RPL35A: variants seen among roughly 807,000 people sequenced by gnomAD.
The protein encoded by RPL35A is ribosomal protein L35a, also known as large ribosomal subunit protein eL33.
In RPL35A, 1 loss-of-function variant was observed where a neutral mutation model predicts 16.7. The ratio of observed to expected loss-of-function variants is 0.06; its 90% CI spans 0.02 to 0.28. RPL35A has a LOEUF of 0.28. Among genes scored for constraint, RPL35A ranks in the 10% least tolerant of loss-of-function variants. The pLI, the probability that RPL35A is intolerant of heterozygous loss-of-function variation, is 1.00. For missense variants in RPL35A, 91 were observed against 138.7 expected (o/e 0.66, Z 1.73); for synonymous variants, 58 against 47.0 (o/e 1.23, Z -0.96).
At chr3:197,953,596 T>A in intron 3 of RPL35A, 2 of 458,266 alleles carry the variant, frequency 4.4e-6, no homozygotes, top group Admixed American at 4.7e-5. Context: ...GCATTTCCCC[T>A]CCCTTTCCAG....
At chr3:197,951,990 G>T (rs564569800) in intron 3 of RPL35A, among the ~76,000 whole-genome samples, 1 of 152,272 alleles carries the variant, frequency 6.6e-6, no homozygotes, top group South Asian at 2.1e-4. Flanking sequence ...TACTTCTGAG[G>T]GTGGTGTTGG....
At chr3:197,951,558 G>T (rs1720090199) in intron 3 of RPL35A, 2 of 469,198 alleles carry the variant, frequency 4.3e-6, no homozygotes, top group Admixed American at 6.7e-5. Context: ...TTGCCATGTT[G>T]GCCAGGCTGG....
chr3:197,950,600 CGTGT>C, intron 1 of RPL35A: 1 of 382,418 alleles, frequency 2.6e-6, no homozygotes, highest in Non-Finnish European at 4.7e-6. Flanking sequence ...AAAAGTCTTA[CGTGT>C]GTGTTTCTCT....
At chr3:197,953,760 T>G (rs1015790236) in intron 3 of RPL35A, 3 of 580,370 alleles carry the variant, frequency 5.2e-6, no homozygotes, top group Non-Finnish European at 6.1e-6. Flanking sequence ...TGTATTTTCC[T>G]TAAACTTACT....
chr3:197,954,272 G>A, intron 4 of RPL35A, 125 bp downstream of exon 4: 1 of 907,316 alleles, frequency 1.1e-6, no homozygotes. Flanking sequence ...TGCAAAATTT[G>A]TGTATTGCAG....
Position 197,951,434 on chromosome 3 carries a change from C to T in RPL35A, c.164+123C>T, listed in dbSNP as rs1274742216. 1.1e-5 allele frequency: 12 copies of T among 1,052,792 alleles called. No homozygotes were observed. In the East Asian group the frequency reaches 1.5e-4, roughly 13 times the overall value. The allele number at this position is 1,052,792 out of a possible 1,614,324, so 65.2% of individuals were successfully genotyped here. ...AGTGACTTGGTCTCCCTCACCGAAA[C>T]CTCCGCCTCCCGGGTTCAAGCAAGT... is the stretch of plus-strand genomic sequence containing the variant. On this transcript the variant is annotated intron_variant, in intron 3 of 4. Transcript: ENST00000647248.
In RPL35A at chr3:197,956,311, T is replaced by TGGAGATTATGTTGATGGGC. The variant is rs1254060020; in HGVS notation, c.*539_*557dup. 1.2e-5 allele frequency: 2 copies of TGGAGATTATGTTGATGGGC among 161,084 alleles called. No individual in the cohort carries two copies. Among genetic ancestry groups the TGGAGATTATGTTGATGGGC allele is most frequent in the Admixed American group, 5.9e-5 (1 of 17,066 alleles). 10.0% of individuals were successfully genotyped at this position (161,084 alleles called of 1,614,324 possible). Reference sequence around the variant, plus strand: ...CAGATTGGGAAACTTAAAATTTGAATGGAGATTATGTTGATGGGCTTTGGC... The same window carrying TGGAGATTATGTTGATGGGC: ...CAGATTGGGAAACTTAAAATTTGAATGGAGATTATGTTGATGGGCGGAGATTATGTTGATGGGCTTTGGC... On this transcript the variant is annotated 3_prime_UTR_variant, in exon 5 of 5. Transcript: ENST00000647248.
At chr3:197,951,052 G>A (rs1720029099) in intron 2 of RPL35A, 74 bp downstream of exon 2, 1 of 1,605,418 alleles carries the variant, frequency 6.2e-7, no homozygotes, top group Admixed American at 1.7e-5. Context: ...AAATTGGCAA[G>A]AAAAAACTTA....
At chr3:197,950,872 A>G in intron 1 of RPL35A, 64 bp from the exon 2 acceptor site, 1 of 1,507,880 alleles carries the variant, frequency 6.6e-7, no homozygotes, top group Non-Finnish European at 9.2e-7. Context: ...GGCTTAAACG[A>G]GAGGGGACGA....
intron 3 of RPL35A, among the ~76,000 whole-genome samples, chr3:197,952,168 T>TG (rs1371838269): frequency 2.3e-4 from 30 of 128,796 alleles, no homozygotes; most frequent in Non-Finnish European, 3.9e-4. Flanking sequence ...ATGGGTTTTT[T>TG]TTTTTTTTTT....
intron 3 of RPL35A, among the ~76,000 whole-genome samples, chr3:197,951,966 T>A (rs906782752): frequency 6.6e-6 from 1 of 151,978 alleles, no homozygotes; most frequent in African/African-American, 2.4e-5. Context: ...TAATGGGGAG[T>A]TTTAGAAGGA....
intron 3 of RPL35A, chr3:197,951,774 C>A (rs935772153): frequency 5.7e-6 from 1 of 176,808 alleles, no homozygotes; most frequent in South Asian, 1.0e-4. Context: ...TCTTGGCTCG[C>A]TGCAGCCTCT....
intron 4 of RPL35A, chr3:197,954,393 G>A: frequency 1.8e-6 from 1 of 544,886 alleles, no homozygotes; most frequent in Admixed American, 3.0e-5. Flanking sequence ...GGGTGCAGTG[G>A]CATAATCACA....
rs1720505347 is a variant in RPL35A at position 197,956,116 on chromosome 3, C to G, written c.*343C>G. 3.4e-6 allele frequency: 1 copy of G among 293,016 alleles called. No homozygotes were observed. The allele number at this position is 293,016 out of a possible 1,614,324, so 18.2% of individuals were successfully genotyped here. On this transcript the variant is annotated 3_prime_UTR_variant, in exon 5 of 5. Transcript: ENST00000647248. ...GGACCACAGGCTCATGCCACCATCC[C>G]TGGGTCATTTTTAAATTTTTTGTAG...
Position 197,951,291 on chromosome 3 carries a change from T to C in RPL35A, c.144T>C (p.Ala48=). ...ETEFYLGKRC[A]YVYKAKNNTV... is the part of the protein sequence containing the mutation. ...AATTCTATTTGGGCAAGAGATGCGC[T>C]TATGTATATAAAGCAAAGAAGTAAG... The change falls in exon 3 of 5, where the codon GCT becomes GCC. Residue 48 remains alanine, a synonymous_variant. Transcript: ENST00000647248. 2 of 1,614,082 alleles carry C rather than the reference T, an allele frequency of 1.2e-6. No homozygotes were observed. Among genetic ancestry groups the C allele is most frequent in the South Asian group, 2.2e-5 (2 of 91,082 alleles).
At chr3:197,951,545 G>C (rs2109805910) in intron 3 of RPL35A, 1 of 494,394 alleles carries the variant, frequency 2.0e-6, no homozygotes, top group East Asian at 3.9e-5. Flanking sequence ...TAGAGACAGG[G>C]TATTGCCATG....
chr3:197,956,540 C>T lies in RPL35A; in HGVS notation c.*767C>T, dbSNP rs908155547. The T allele has an allele frequency of 1.3e-5, 2 of 151,824 alleles. No individual in the cohort carries two copies. Among genetic ancestry groups the T allele is most frequent in the Non-Finnish European group, 2.9e-5 (2 of 68,010 alleles). The allele number at this position is 151,824 out of a possible 1,614,324, so 9.4% of individuals were successfully genotyped here. On this transcript the variant is annotated 3_prime_UTR_variant, in exon 5 of 5. Coordinates refer to ENST00000647248, the MANE Select transcript of RPL35A (RefSeq NM_000996.4). ...TTTAATCTGGTAAAGTTCAAGATTG[C>T]ACTTTAAGCAGGCCTCCTAAATATT...
At chr3:197,953,282 G>A (rs1720264812) in intron 3 of RPL35A, among the ~76,000 whole-genome samples, 1 of 152,198 alleles carries the variant, frequency 6.6e-6, no homozygotes, top group Non-Finnish European at 1.5e-5. Flanking sequence ...AGCCCTAGGT[G>A]GGAGGATTGC....
At chr3:197,954,885 G>A (rs1251666697) in intron 4 of RPL35A, among the ~76,000 whole-genome samples, 1 of 152,128 alleles carries the variant, frequency 6.6e-6, no homozygotes, top group Non-Finnish European at 1.5e-5. Flanking sequence ...CAACAGTTAC[G>A]CCTGGCATAA....
Sources: allele counts gnomAD v4.1 joint callset (sites outside exome capture counted in the v4.1 genomes callset), GRCh38; gene constraint gnomAD v4.1.1; transcripts MANE v1.5; gene names NCBI Gene and HGNC (gene_info 2026-07-23, HGNC 2026-07-21).